The following PRAMEF20 variants were observed in gnomAD, a reference collection of about 807,000 sequenced individuals.
The protein encoded by PRAMEF20 is PRAME family member 20/21.
PRAMEF20 carries 27 observed loss-of-function variants against 32.4 expected under a neutral mutation model. That is an observed-to-expected ratio of 0.83 (90% confidence interval 0.61 to 1.15). The LOEUF is 1.15. PRAMEF20 is among the 50% of genes most tolerant of loss of function. The probability of loss-of-function intolerance (pLI) is 0.00; values close to 1 mark genes in which losing one functional copy is unlikely to be tolerated. For synonymous variants in PRAMEF20, 256 were observed against 235.4 expected, an observed-to-expected ratio of 1.09 and a Z score of -0.80; for missense variants, 604 against 584.5, an observed-to-expected ratio of 1.03 and a Z score of -0.34.
chr1:13,415,811 G>A (rs1641163442), upstream of PRAMEF20, among the ~76,000 whole-genome samples: 2 of 150,442 alleles, frequency 1.3e-5, no homozygotes, highest in East Asian at 4.0e-4. Flanking sequence ...AAGGGAGGGA[G>A]GGAGGGAGGG....
At chr1:13,412,853 G>T (rs1641126958), upstream of PRAMEF20, among the ~76,000 whole-genome samples, 1 of 151,854 alleles carries the variant, frequency 6.6e-6, no homozygotes, top group African/African-American at 2.4e-5. Context: ...GAACCTGGGA[G>T]GTGGAGGTTA....
chr1:13,417,950 G>GTT (rs1641199254), intron 1 of PRAMEF20, among the ~76,000 whole-genome samples, 172 bp from the exon 3 acceptor site: 1 of 142,108 alleles, frequency 7.0e-6, no homozygotes, highest in Non-Finnish European at 1.5e-5. Flanking sequence ...GTGTGTGTGT[G>GTT]TGTTTAGTAG....
chr1:13,411,233 G>A, the PRAMEF20 span, among the ~76,000 whole-genome samples: 2 of 152,138 alleles, frequency 1.3e-5, no homozygotes, highest in African/African-American at 2.4e-5. Context: ...GGTGGCTGAG[G>A]TGGGAGAATC....
chr1:13,421,150 A>G (rs1018460133), exon 3 of PRAMEF20: 1 of 1,613,866 alleles, frequency 6.2e-7, no homozygotes, highest in Non-Finnish European at 8.5e-7. Flanking sequence ...TGATGGGGAG[A>G]GTGAGGGCCT....
upstream of PRAMEF20, among the ~76,000 whole-genome samples, chr1:13,414,940 C>G (rs1357534419): frequency 6.6e-6 from 1 of 152,060 alleles, no homozygotes. Flanking sequence ...GCTGGGATTA[C>G]AGGTGTGTGC....
exon 3 of PRAMEF20, chr1:13,421,300 G>C: frequency 1.2e-6 from 2 of 1,613,172 alleles, no homozygotes; most frequent in Non-Finnish European, 1.7e-6. Context: ...TCTTTTTTCT[G>C]AACACTTGAA....
chr1:13,413,032 C>A (rs1427785182), upstream of PRAMEF20, among the ~76,000 whole-genome samples: 1 of 152,192 alleles, frequency 6.6e-6, no homozygotes, highest in Non-Finnish European at 1.5e-5. Flanking sequence ...TCTTTGTAAA[C>A]TGTTTTAACT....
upstream of PRAMEF20, among the ~76,000 whole-genome samples, chr1:13,412,905 G>C (rs1307711155): frequency 1.3e-5 from 2 of 150,562 alleles, no homozygotes; most frequent in Non-Finnish European, 3.0e-5. Context: ...GCCTGGGCTA[G>C]GAAATGAGAC....
At chr1:13,415,121 C>T (rs2100430801), upstream of PRAMEF20, among the ~76,000 whole-genome samples, 1 of 151,934 alleles carries the variant, frequency 6.6e-6, no homozygotes, top group Non-Finnish European at 1.5e-5. Flanking sequence ...TTCATGTCGC[C>T]CAGGCTGGAG....
chr1:13,416,528 C>T (rs777776687), exon 1 of PRAMEF20: 2 of 1,614,112 alleles, frequency 1.2e-6, no homozygotes, highest in Non-Finnish European at 1.7e-6. Context: ...TGGTGCAGGC[C>T]TGGCCTTTCC....
In PRAMEF20 at chr1:13,418,199, G is replaced by T. The variant is rs999594091; in HGVS notation, c.365G>T (p.Arg122Leu). The change falls in exon 2 of 3, where the codon CGT becomes CTT. Residue 122 changes from arginine to leucine, a missense_variant. Coordinates refer to ENST00000602960, the Ensembl canonical transcript of PRAMEF20. ...ATGGTTTGGTCTGAAGCCATGGCCCGTAGGTGCTTACCAAATGCCATGATG... is the reference window on the plus strand; with the variant it reads ...ATGGTTTGGTCTGAAGCCATGGCCCTTAGGTGCTTACCAAATGCCATGATG... 8.1e-6 allele frequency: 13 copies of T among 1,611,800 alleles called. No homozygotes were observed. In the South Asian group the frequency reaches 1.2e-4, roughly 15 times the overall value.
At chr1:13,417,856 C>G (rs1171182117) in intron 1 of PRAMEF20, among the ~76,000 whole-genome samples, 1 of 149,810 alleles carries the variant, frequency 6.7e-6, no homozygotes, top group Non-Finnish European at 1.5e-5. Context: ...ATTCTCCTGC[C>G]TCAGCCTCCC....
At chr1:13,417,748 T>C (rs1641192606) in intron 1 of PRAMEF20, among the ~76,000 whole-genome samples, 1 of 149,310 alleles carries the variant, frequency 6.7e-6, no homozygotes, top group Non-Finnish European at 1.5e-5. Context: ...TTTTTTTTTT[T>C]TTTCTGAGAC....
chr1:13,416,992 T>G (rs1641182626), intron 1 of PRAMEF20, among the ~76,000 whole-genome samples: 1 of 152,136 alleles, frequency 6.6e-6, no homozygotes, highest in Non-Finnish European at 1.5e-5. Context: ...GCCAACATTG[T>G]GTCCAGAATT....
At chr1:13,416,231 C>T (rs1641167872), upstream of PRAMEF20, 15 of 1,557,956 alleles carry the variant, frequency 9.6e-6, no homozygotes, top group East Asian at 9.0e-5. Context: ...AAACTGAGGG[C>T]TCTTTCACCA....
At chr1:13,413,161 A>C (rs2100428521), upstream of PRAMEF20, among the ~76,000 whole-genome samples, 1 of 152,292 alleles carries the variant, frequency 6.6e-6, no homozygotes, top group African/African-American at 2.4e-5. Flanking sequence ...ACTCAGGACT[A>C]GGAAGGACAT....
intron 1 of PRAMEF20, among the ~76,000 whole-genome samples, chr1:13,417,495 T>C (rs1569866700): frequency 1.3e-5 from 2 of 151,332 alleles, no homozygotes; most frequent in South Asian, 2.1e-4. Context: ...CCCAGCTACT[T>C]GGGAGGCTGA....
At chr1:13,412,321 C>T (rs1014326768), upstream of PRAMEF20, among the ~76,000 whole-genome samples, 3 of 152,040 alleles carry the variant, frequency 2.0e-5, no homozygotes, top group Non-Finnish European at 4.4e-5. Context: ...CCTGGCCTCA[C>T]ATTCTTTAAT....
At chr1:13,418,663 G>C in exon 2 of PRAMEF20, 3 of 1,613,898 alleles carry the variant, frequency 1.9e-6, no homozygotes, top group African/African-American at 2.7e-5. Flanking sequence ...TATGAACTCT[G>C]TTTCTTTCCT....
Sources: allele counts gnomAD v4.1 joint callset (sites outside exome capture counted in the v4.1 genomes callset), GRCh38; gene constraint gnomAD v4.1.1; transcripts MANE v1.5; gene names NCBI Gene and HGNC (gene_info 2026-07-23, HGNC 2026-07-21).